Variants in USP13 observed in about 807,000 individuals in gnomAD.
The protein encoded by USP13 is ubiquitin specific peptidase 13, also known as ubiquitin carboxyl-terminal hydrolase 13.
A neutral mutation model predicts 107.8 loss-of-function variants in USP13; 68 were observed. The ratio of observed to expected loss-of-function variants is 0.63; its 90% CI spans 0.52 to 0.77. The LOEUF (loss-of-function observed/expected upper bound fraction) is 0.77. USP13 is among the 30% of genes least tolerant of loss of function. USP13 has a pLI of 0.00. For synonymous variants in USP13, 377 were observed against 389.5 expected, an observed-to-expected ratio of 0.97 and a Z score of 0.38; for missense variants, 945 against 1,093.3, an observed-to-expected ratio of 0.86 and a Z score of 1.91.
chr3:179,766,091 T>G (rs935503250), intron 19 of USP13, among the ~76,000 whole-genome samples: 2 of 151,962 alleles, frequency 1.3e-5, no homozygotes, highest in African/African-American at 4.8e-5. Flanking sequence ...GCCATTCTCC[T>G]GCTTCAGCCT....
At chr3:179,706,883 C>A (rs374686677) in intron 4 of USP13, 51 bp from the exon 5 acceptor site, 2 of 1,546,032 alleles carry the variant, frequency 1.3e-6, no homozygotes, top group Non-Finnish European at 1.7e-6. Context: ...ACTAGCAAAT[C>A]GTTATTTTCT....
intron 1 of USP13, among the ~76,000 whole-genome samples, chr3:179,673,360 T>C (rs184956908): frequency 2.9e-4 from 44 of 150,918 alleles, no homozygotes; most frequent in African/African-American, 8.3e-4. Context: ...TAGCAGGTAC[T>C]GTTTTTGGGA....
At chr3:179,765,997 T>G in intron 19 of USP13, 149 bp downstream of exon 19, 1 of 990,000 alleles carries the variant, frequency 1.0e-6, no homozygotes, top group Non-Finnish European at 1.4e-6. Flanking sequence ...TTTTTCTTTT[T>G]TGAGACAGAG....
intron 3 of USP13, among the ~76,000 whole-genome samples, chr3:179,696,497 A>G (rs904637250): frequency 2.0e-4 from 30 of 151,806 alleles, no homozygotes; most frequent in Non-Finnish European, 5.9e-5. Flanking sequence ...CACCTGGCTA[A>G]TTTTTTTGTA....
At chr3:179,672,795 T>C (rs1021629869) in intron 1 of USP13, among the ~76,000 whole-genome samples, 3 of 152,232 alleles carry the variant, frequency 2.0e-5, no homozygotes, top group African/African-American at 7.2e-5. Flanking sequence ...GTGCAGTATT[T>C]CTTGACTTTC....
chr3:179,777,913 C>T (rs961029770), intron 19 of USP13, among the ~76,000 whole-genome samples: 2 of 152,074 alleles, frequency 1.3e-5, no homozygotes, highest in African/African-American at 4.8e-5. Flanking sequence ...CAGCTCACTC[C>T]CTTTCTTGCT....
At chr3:179,687,336 G>C (rs1254231751) in intron 2 of USP13, among the ~76,000 whole-genome samples, 1 of 151,976 alleles carries the variant, frequency 6.6e-6, no homozygotes, top group Non-Finnish European at 1.5e-5. Context: ...CATTCCTGCT[G>C]TTCTTGTCTG....
In USP13 at chr3:179,738,315, T is replaced by G. The variant is rs139224226; in HGVS notation, c.1255-1932T>G. Among the ~76,000 whole-genome samples the G allele has an allele frequency of 3.0e-3, 460 of 152,362 alleles. 4 individuals carry two copies. The highest frequency in any genetic ancestry group is 0.014 in the Middle Eastern group (4 of 294). On this transcript the variant is annotated intron_variant, in intron 10 of 20. Transcript: ENST00000263966. Reference sequence around the variant, plus strand: ...CCTTTGCAGAGAGGACATAAATTACTTCTTTGGCTCAAATGACAAGGTGAG... The same window carrying G: ...CCTTTGCAGAGAGGACATAAATTACGTCTTTGGCTCAAATGACAAGGTGAG...
chr3:179,751,462 G>A (rs1222424869), intron 13 of USP13, among the ~76,000 whole-genome samples: 2 of 152,124 alleles, frequency 1.3e-5, no homozygotes, highest in Non-Finnish European at 2.9e-5. Context: ...GTTGCAGTAA[G>A]CCCTTCGTCC....
chr3:179,680,052 A>G (rs1039138738), intron 1 of USP13, among the ~76,000 whole-genome samples: 2 of 151,912 alleles, frequency 1.3e-5, no homozygotes, highest in African/African-American at 4.8e-5. Flanking sequence ...GCACGTGCCT[A>G]TAGTCCCAGC....
At chr3:179,745,938 C>T (rs566813357) in intron 13 of USP13, among the ~76,000 whole-genome samples, 1 of 152,114 alleles carries the variant, frequency 6.6e-6, no homozygotes, top group East Asian at 1.9e-4. Flanking sequence ...TGATTTGATG[C>T]AGTCGAGTCC....
At position 179,700,899 on chromosome 3, in the gene USP13, C is replaced by G. The variant is rs569028851; in HGVS notation, c.356-109C>G. On this transcript the variant is annotated intron_variant, in intron 3 of 20. Coordinates refer to ENST00000263966, the MANE Select transcript of USP13 (RefSeq NM_003940.3). ...AGGAGAAAGTTGTAAATGTCACACC[C>G]TTGGTATTTCATCATCACCTTGGAT... 27 of 1,334,320 alleles carry G rather than the reference C, an allele frequency of 2.0e-5. No homozygotes were observed. The African/African-American group carries it at 3.8e-4, about 19-fold the overall frequency. The allele number at this position is 1,334,320 out of a possible 1,614,324, so 82.7% of individuals were successfully genotyped here. A position where few individuals can be genotyped will look rare whatever the true frequency, so the allele number is the denominator to read the frequency against.
chr3:179,716,943 C>G (rs1038381258), intron 6 of USP13, among the ~76,000 whole-genome samples: 16 of 152,034 alleles, frequency 1.1e-4, no homozygotes, highest in African/African-American at 3.9e-4. Context: ...CTGCCTCATG[C>G]TCTTGTGGTT....
chr3:179,676,574 A>G (rs750263070), intron 1 of USP13, among the ~76,000 whole-genome samples: 2 of 152,182 alleles, frequency 1.3e-5, no homozygotes, highest in Non-Finnish European at 2.9e-5. Flanking sequence ...TCAGGATTGA[A>G]AGAAGCTGTT....
chr3:179,659,385 C>T (rs4854941), intron 1 of USP13, among the ~76,000 whole-genome samples: 118,958 of 152,088 alleles, frequency 0.78, 47,190 homozygotes, highest in African/African-American at 0.9. Flanking sequence ...GTTTTCAAAG[C>T]GTGCTCCCTG....
chr3:179,773,830 A>G (rs764173484), intron 19 of USP13, among the ~76,000 whole-genome samples: 6 of 152,252 alleles, frequency 3.9e-5, no homozygotes, highest in African/African-American at 9.6e-5. Context: ...TTATAAATCT[A>G]TACATCCTTG....
rs556354683 is a variant in USP13 at position 179,705,745 on chromosome 3, A to G, written c.478-1189A>G. ...TATTAAAAAAATTTTTTTTTGAGAC[A>G]GGGTTTCTCTCCTGTTGCCCAGGTT... is the stretch of plus-strand genomic sequence containing the variant. On this transcript the variant is annotated intron_variant, in intron 4 of 20. Transcript: ENST00000263966. Among the ~76,000 whole-genome samples, 5 of 151,962 alleles carry G rather than the reference A, an allele frequency of 3.3e-5. No individual in the cohort carries two copies. In the South Asian group the frequency reaches 1.0e-3, roughly 32 times the overall value.
At chr3:179,774,206 AGAGT>A (rs1460893073) in intron 19 of USP13, among the ~76,000 whole-genome samples, 1 of 152,178 alleles carries the variant, frequency 6.6e-6, no homozygotes, top group Non-Finnish European at 1.5e-5. Flanking sequence ...TTGAACTAAT[AGAGT>A]GAGAACTCAC....
rs571417106 is a variant in USP13 at position 179,661,551 on chromosome 3, A to AT, written c.168+8167dup. Among the ~76,000 whole-genome samples, 795 of 150,332 alleles carry AT rather than the reference A, an allele frequency of 5.3e-3. 10 individuals carry two copies. The highest frequency in any genetic ancestry group is 0.016 in the African/African-American group (649 of 40,876). ...TTGGGGAAGCTTAAATGTTAGTGTGATTTTTTTTTCTTCCTTTGGCTACCA... is the reference window on the plus strand; with the variant it reads ...TTGGGGAAGCTTAAATGTTAGTGTGATTTTTTTTTTCTTCCTTTGGCTACCA... On this transcript the variant is annotated intron_variant, in intron 1 of 20. Transcript: ENST00000263966.
Sources: gnomAD v4.1 joint callset for allele counts (sites outside exome capture counted in the v4.1 genomes callset) on GRCh38, gnomAD v4.1.1 for gene constraint, MANE v1.5 for transcripts, NCBI Gene and HGNC (gene_info 2026-07-23, HGNC 2026-07-21) for gene names.